The following ZZZ3 variants were observed in gnomAD, a reference collection of about 807,000 sequenced individuals.
ZZZ3 encodes zinc finger ZZ-type containing 3, also known as ZZ-type zinc finger-containing protein 3.
A neutral mutation model predicts 95.2 loss-of-function variants in ZZZ3; 22 were observed. That is an observed-to-expected ratio of 0.23 (90% CI 0.17 to 0.33). ZZZ3 has a LOEUF of 0.33. Ranked by LOEUF, ZZZ3 falls within the 10% of genes least tolerant of loss-of-function variation. The probability of loss-of-function intolerance (pLI) is 1.00; values close to 1 mark genes in which losing one functional copy is unlikely to be tolerated. For missense variants in ZZZ3, 885 were observed against 1,066.5 expected (o/e 0.83, Z 2.37); for synonymous variants, 335 against 358.9 (o/e 0.93, Z 0.75).
intron 1 of ZZZ3, among the ~76,000 whole-genome samples, chr1:77,663,906 C>G (rs180927620): frequency 1.3e-5 from 2 of 151,954 alleles, no homozygotes; most frequent in African/African-American, 2.4e-5. Flanking sequence ...CGTGCCACCA[C>G]GCCTGGCTAA....
At chr1:77,629,728 G>A (rs1181501585) in intron 5 of ZZZ3, among the ~76,000 whole-genome samples, 1 of 152,206 alleles carries the variant, frequency 6.6e-6, no homozygotes, top group Non-Finnish European at 1.5e-5. Context: ...GTCACCCAAT[G>A]AGGCATTAAT....
At chr1:77,642,987 G>A (rs1439028109) in intron 1 of ZZZ3, among the ~76,000 whole-genome samples, 1 of 152,032 alleles carries the variant, frequency 6.6e-6, no homozygotes, top group Non-Finnish European at 1.5e-5. Flanking sequence ...CAAGGCAGAA[G>A]GATCGCTTGA....
Position 77,576,052 on chromosome 1 carries a change from G to T in ZZZ3, c.2331+16C>A. 2 of 1,584,050 alleles carry T rather than the reference G, an allele frequency of 1.3e-6. No homozygotes were observed. The highest frequency in any genetic ancestry group is 1.2e-5 in the South Asian group (1 of 84,832). ...TATACCTTGATGTATATAACAACTTGATGTGTATAACTTACTGATGCATCT... is the reference window on the plus strand; with the variant it reads ...TATACCTTGATGTATATAACAACTTTATGTGTATAACTTACTGATGCATCT... On this transcript the variant is annotated intron_variant, in intron 12 of 14. Transcript: ENST00000370801.
At chr1:77,654,173 G>A (rs532583040) in intron 1 of ZZZ3, among the ~76,000 whole-genome samples, 8 of 127,304 alleles carry the variant, frequency 6.3e-5, no homozygotes, top group Non-Finnish European at 9.4e-5. Flanking sequence ...GGGCAACAGC[G>A]AGACTCCATC....
At chr1:77,565,990 A>G (rs1660783618) in intron 14 of ZZZ3, 91 bp downstream of exon 14, 1 of 1,197,602 alleles carries the variant, frequency 8.4e-7, no homozygotes, top group Admixed American at 2.6e-5. Context: ...GTGGGTATTA[A>G]TATTTTCTAT....
chr1:77,631,094 T>C (rs1667766563), intron 5 of ZZZ3, among the ~76,000 whole-genome samples: 1 of 152,222 alleles, frequency 6.6e-6, no homozygotes, highest in Non-Finnish European at 1.5e-5. Context: ...TCTTTTGTGT[T>C]ATGGCCCTGA....
chr1:77,647,187 T>C (rs945516239), intron 1 of ZZZ3, among the ~76,000 whole-genome samples: 3 of 152,166 alleles, frequency 2.0e-5, no homozygotes, highest in African/African-American at 7.2e-5. Flanking sequence ...AAAAAATACA[T>C]GGCAACACAT....
At chr1:77,592,963 T>C (rs1663862402) in intron 5 of ZZZ3, among the ~76,000 whole-genome samples, 1 of 152,206 alleles carries the variant, frequency 6.6e-6, no homozygotes, top group Non-Finnish European at 1.5e-5. Flanking sequence ...AGATAAAACA[T>C]GTTTTTGGGG....
intron 5 of ZZZ3, chr1:77,585,205 C>T (rs973407149): frequency 2.0e-5 from 3 of 151,840 alleles, no homozygotes; most frequent in African/African-American, 7.3e-5. Context: ...TGTTTTTTTC[C>T]TCTGCATGAA....
chr1:77,635,555 T>C (rs903430116), intron 4 of ZZZ3, among the ~76,000 whole-genome samples: 1 of 152,250 alleles, frequency 6.6e-6, no homozygotes, highest in Non-Finnish European at 1.5e-5. Flanking sequence ...GAGTGTCCCA[T>C]AATTTTCCAC....
intron 5 of ZZZ3, among the ~76,000 whole-genome samples, chr1:77,623,166 C>T (rs999254722): frequency 2.0e-5 from 3 of 152,088 alleles, no homozygotes; most frequent in African/African-American, 7.2e-5. Context: ...CCTATTATCA[C>T]CCTCTCTTTC....
rs1274202737 is a variant in ZZZ3 at position 77,581,767 on chromosome 1, A to G, written c.1908+9T>C. The stretch of plus-strand genomic sequence containing the variant: ...AAATTCTCCTACTCCAATATTTCAC[A>G]CTGCTTACCTGAGGACGACTGCTTG... On this transcript the variant is annotated intron_variant, in intron 8 of 14. Coordinates refer to ENST00000370801, the MANE Select transcript of ZZZ3 (RefSeq NM_015534.6). The G allele has an allele frequency of 1.3e-6, 2 of 1,590,924 alleles. No homozygotes were observed. The highest frequency in any genetic ancestry group is 1.7e-6 in the Non-Finnish European group (2 of 1,168,470).
At chr1:77,577,794 T>C (rs1308207093) in intron 11 of ZZZ3, among the ~76,000 whole-genome samples, 1 of 152,204 alleles carries the variant, frequency 6.6e-6, no homozygotes, top group Non-Finnish European at 1.5e-5. Context: ...CTAATTTTTG[T>C]ATTCTTAGTA....
intron 1 of ZZZ3, among the ~76,000 whole-genome samples, chr1:77,673,399 C>T (rs1046996553): frequency 2.6e-5 from 4 of 152,084 alleles, no homozygotes; most frequent in African/African-American, 9.7e-5. Flanking sequence ...GGGTTCGAAA[C>T]CAGCCTGGAC....
chr1:77,598,851 C>A (rs991370076), intron 5 of ZZZ3, among the ~76,000 whole-genome samples: 6 of 152,158 alleles, frequency 3.9e-5, no homozygotes, highest in African/African-American at 1.4e-4. Flanking sequence ...CTTTCTCCAA[C>A]AAATCTAATC....
Position 77,641,425 on chromosome 1 carries a change from T to C in ZZZ3, c.-247A>G, listed in dbSNP as rs1668767872. ...CATTAAGATAGACAGGATCCTGCAG[T>C]GTTTCTTAAAAGCCTGATACACTGA... On this transcript the variant is annotated 5_prime_UTR_variant, in exon 3 of 15. Transcript: ENST00000370801. 1 of 395,674 alleles carries C rather than the reference T, an allele frequency of 2.5e-6. No individual in the cohort carries two copies. The highest frequency in any genetic ancestry group is 4.5e-6 in the Non-Finnish European group (1 of 224,358). 24.5% of individuals were successfully genotyped at this position (395,674 alleles called of 1,614,324 possible).
chr1:77,568,555 T>C, intron 12 of ZZZ3, 89 bp from the exon 13 acceptor site: 1 of 702,046 alleles, frequency 1.4e-6, no homozygotes, highest in Non-Finnish European at 2.2e-6. Context: ...ATTTTTCTAC[T>C]GATATTTTTC....
At chr1:77,681,875 G>A (rs1276608783) in intron 1 of ZZZ3, among the ~76,000 whole-genome samples, 1 of 148,422 alleles carries the variant, frequency 6.7e-6, no homozygotes, top group African/African-American at 2.5e-5. Context: ...CTCCAGCCTA[G>A]GCGACAAGAG....
At chr1:77,657,339 T>C (rs1031488536) in intron 1 of ZZZ3, among the ~76,000 whole-genome samples, 1 of 152,176 alleles carries the variant, frequency 6.6e-6, no homozygotes, top group Non-Finnish European at 1.5e-5. Flanking sequence ...AACAGCACTA[T>C]AACTTTTCAT....
Sources: allele counts gnomAD v4.1 joint callset (sites outside exome capture counted in the v4.1 genomes callset), GRCh38; gene constraint gnomAD v4.1.1; transcripts MANE v1.5; gene names NCBI Gene and HGNC (gene_info 2026-07-23, HGNC 2026-07-21).